The following KHDRBS3 variants were observed in gnomAD, a reference collection of about 807,000 sequenced individuals.
KHDRBS3 encodes KH RNA binding domain containing, signal transduction associated 3.
KHDRBS3 carries 23 observed loss-of-function variants against 45.6 expected under a neutral mutation model. The observed-to-expected ratio is 0.50, with a 90% CI of 0.36 to 0.72. The LOEUF is 0.72. Among genes scored for constraint, KHDRBS3 ranks in the 30% least tolerant of loss-of-function variants. The probability of loss-of-function intolerance (pLI) is 0.00; values close to 1 mark genes in which losing one functional copy is unlikely to be tolerated. For missense variants in KHDRBS3, 352 were observed against 424.8 expected (o/e 0.83, Z 1.51); for synonymous variants, 162 against 156.5 (o/e 1.04, Z -0.26).
chr8:135,591,623 A>G (rs1451220378), intron 6 of KHDRBS3, among the ~76,000 whole-genome samples: 3 of 152,204 alleles, frequency 2.0e-5, no homozygotes, highest in Non-Finnish European at 4.4e-5. Flanking sequence ...TCTCTTTGTG[A>G]TAAGAATAAA....
At chr8:135,619,523 A>C (rs1356296479) in intron 7 of KHDRBS3, among the ~76,000 whole-genome samples, 1 of 152,212 alleles carries the variant, frequency 6.6e-6, no homozygotes, top group Non-Finnish European at 1.5e-5. Context: ...ACCATGGGCA[A>C]GTTATTTAAC....
chr8:135,509,973 C>CTTT (rs1326914089), intron 1 of KHDRBS3, among the ~76,000 whole-genome samples: 62 of 141,542 alleles, frequency 4.4e-4, no homozygotes, highest in African/African-American at 1.7e-3. Flanking sequence ...TTTCCCCCCC[C>CTTT]CTTTTTTTTT....
chr8:135,611,536 C>G (rs1179863572), intron 7 of KHDRBS3, among the ~76,000 whole-genome samples: 1 of 151,850 alleles, frequency 6.6e-6, no homozygotes, highest in Non-Finnish European at 1.5e-5. Flanking sequence ...ACGCTCCAGT[C>G]TTCTTAAGTC....
chr8:135,561,754 G>A (rs7839111), intron 5 of KHDRBS3, among the ~76,000 whole-genome samples: 121,007 of 151,966 alleles, frequency 0.8, 48,752 homozygotes, highest in East Asian at 0.96. Context: ...AAAAGTCCCC[G>A]TTGCCTAGTG....
intron 1 of KHDRBS3, among the ~76,000 whole-genome samples, chr8:135,469,529 T>C (rs754074914): frequency 7.4e-4 from 18 of 24,308 alleles, no homozygotes; most frequent in African/African-American, 1.6e-3. Flanking sequence ...TTTGGTTTTT[T>C]TTTTTTTTTT....
At chr8:135,554,365 C>T (rs1194380166) in intron 4 of KHDRBS3, among the ~76,000 whole-genome samples, 5 of 152,060 alleles carry the variant, frequency 3.3e-5, no homozygotes, top group Admixed American at 6.6e-5. Context: ...CACTTTTCAG[C>T]GGGTCAAATA....
chr8:135,462,214 T>C (rs1431920363), intron 1 of KHDRBS3, among the ~76,000 whole-genome samples: 1 of 151,574 alleles, frequency 6.6e-6, no homozygotes, highest in Admixed American at 6.6e-5. Context: ...TTTAGTTTTT[T>C]ATTGTTTTTC....
Position 135,549,089 on chromosome 8 carries a change from T to C in KHDRBS3, c.471+189T>C, listed in dbSNP as rs1826455295. On this transcript the variant is annotated intron_variant, in intron 4 of 8. Coordinates refer to ENST00000355849, the MANE Select transcript of KHDRBS3 (RefSeq NM_006558.3). ...CATTATTCCTTATGTATATATGAGGTGTTAGAATTTCAGGAAGATTTAATA... is the reference window on the plus strand; with the variant it reads ...CATTATTCCTTATGTATATATGAGGCGTTAGAATTTCAGGAAGATTTAATA... 5 of 383,780 alleles carry C rather than the reference T, an allele frequency of 1.3e-5. No homozygotes were observed. In the Admixed American group the frequency reaches 1.4e-4, roughly 10 times the overall value. The allele number at this position is 383,780 out of a possible 1,614,324, so 23.8% of individuals were successfully genotyped here.
chr8:135,568,505 G>A (rs1353325744), intron 5 of KHDRBS3, among the ~76,000 whole-genome samples: 1 of 152,112 alleles, frequency 6.6e-6, no homozygotes, highest in Non-Finnish European at 1.5e-5. Flanking sequence ...AAAGTGATGG[G>A]ACTAAAATGA....
chr8:135,530,198 T>G (rs1193670820), intron 2 of KHDRBS3, among the ~76,000 whole-genome samples: 1 of 152,314 alleles, frequency 6.6e-6, no homozygotes, highest in East Asian at 1.9e-4. Flanking sequence ...AAAAATATTT[T>G]TAGTGGTTTA....
chr8:135,637,151 A>G (rs1204585751), intron 7 of KHDRBS3, among the ~76,000 whole-genome samples: 1 of 152,258 alleles, frequency 6.6e-6, no homozygotes, highest in Non-Finnish European at 1.5e-5. Context: ...TTATAAAAGA[A>G]CTATTAGATA....
chr8:135,532,859 A>G (rs533641935), intron 2 of KHDRBS3, among the ~76,000 whole-genome samples: 5 of 152,256 alleles, frequency 3.3e-5, no homozygotes, highest in East Asian at 1.9e-4. Flanking sequence ...ACTTTGAGAC[A>G]GTATCCTGAA....
chr8:135,632,274 G>A (rs1830637028), intron 7 of KHDRBS3, among the ~76,000 whole-genome samples: 1 of 152,168 alleles, frequency 6.6e-6, no homozygotes, highest in African/African-American at 2.4e-5. Flanking sequence ...CGTTCCTTCT[G>A]AAGAGCCTTA....
At chr8:135,510,531 T>C (rs1824226468) in intron 1 of KHDRBS3, among the ~76,000 whole-genome samples, 1 of 151,856 alleles carries the variant, frequency 6.6e-6, no homozygotes, top group African/African-American at 2.4e-5. Context: ...ACCTCCTGCG[T>C]TCAAGTGATT....
At chr8:135,607,175 G>A (rs1019094093) in intron 7 of KHDRBS3, 138 bp downstream of exon 7, 3 of 573,684 alleles carry the variant, frequency 5.2e-6, no homozygotes, top group Non-Finnish European at 9.2e-6. Context: ...AAATGGAGAA[G>A]CCCTGTCTGT....
At chr8:135,504,446 G>T (rs543910316) in intron 1 of KHDRBS3, among the ~76,000 whole-genome samples, 6 of 152,230 alleles carry the variant, frequency 3.9e-5, no homozygotes, top group African/African-American at 1.4e-4. Context: ...ATTTAACTTG[G>T]CTGGTTGTAG....
chr8:135,589,536 T>A (rs1249982216), intron 6 of KHDRBS3, among the ~76,000 whole-genome samples: 1 of 152,212 alleles, frequency 6.6e-6, no homozygotes, highest in Non-Finnish European at 1.5e-5. Context: ...TGGCTCCCTT[T>A]GAATGTGCTT....
chr8:135,628,972 C>T (rs1232281987), intron 7 of KHDRBS3, among the ~76,000 whole-genome samples: 9 of 152,192 alleles, frequency 5.9e-5, no homozygotes, highest in Non-Finnish European at 1.0e-4. Context: ...TCATTTCTCT[C>T]AGATGATTAA....
chr8:135,539,590 T>C (rs1441701061), intron 2 of KHDRBS3: 2 of 152,252 alleles, frequency 1.3e-5, no homozygotes, highest in Admixed American at 6.5e-5. Flanking sequence ...ATACGCAATC[T>C]GCTGGCTGCT....
Sources: gnomAD v4.1 joint callset for allele counts (sites outside exome capture counted in the v4.1 genomes callset) on GRCh38, gnomAD v4.1.1 for gene constraint, MANE v1.5 for transcripts, NCBI Gene and HGNC (gene_info 2026-07-23, HGNC 2026-07-21) for gene names.